Variants in PCDH15 observed in about 807,000 individuals in gnomAD.
PCDH15 encodes protocadherin-15.
PCDH15 carries 129 observed loss-of-function variants against 178.5 expected under a neutral mutation model. The observed-to-expected ratio is 0.72, with a 90% CI of 0.63 to 0.84. The LOEUF is 0.84. PCDH15 is among the 40% of genes least tolerant of loss of function. The pLI is 0.00. For missense variants in PCDH15, 2,230 were observed against 2,099.9 expected, an observed-to-expected ratio of 1.06 and a Z score of -1.21; for synonymous variants, 800 against 732.0, an observed-to-expected ratio of 1.09 and a Z score of -1.50.
chr10:54,804,241 A>G (rs1028552194), upstream of PCDH15, among the ~76,000 whole-genome samples: 3 of 152,038 alleles, frequency 2.0e-5, no homozygotes, highest in Non-Finnish European at 4.4e-5. Context: ...GGGTTTCACC[A>G]TGTTAGCCAG....
chr10:54,866,939 G>A (rs2131788226), intron 3 of PCDH15, among the ~76,000 whole-genome samples: 2 of 152,304 alleles, frequency 1.3e-5, no homozygotes, highest in East Asian at 1.9e-4. Context: ...CTTGTTTGAT[G>A]AGAAATGAAC....
intron 13 of PCDH15, among the ~76,000 whole-genome samples, chr10:54,160,039 A>T (rs914363693): frequency 6.6e-6 from 1 of 152,162 alleles, no homozygotes; most frequent in African/African-American, 2.4e-5. Flanking sequence ...TGCCAGAATC[A>T]CTACTCCTGT....
intron 2 of PCDH15, among the ~76,000 whole-genome samples, chr10:55,454,432 T>A (rs1839503671): frequency 6.6e-6 from 1 of 152,034 alleles, no homozygotes; most frequent in Non-Finnish European, 1.5e-5. Context: ...CGAATTGTAA[T>A]ATCCTATGTA....
chr10:53,961,758 A>G lies in PCDH15; in HGVS notation c.3003T>C (p.Ile1001=). The G allele has an allele frequency of 6.2e-7, 1 of 1,603,572 alleles. No individual in the cohort carries two copies. The highest frequency in any genetic ancestry group is 1.1e-5 in the South Asian group (1 of 88,556). Residue 1001 remains isoleucine (I), a synonymous_variant, in exon 22 of 38, where the codon ATT becomes ATC. Transcript: ENST00000644397. ...RVNLNEEPTT[I]FKLVVVAFDD... ...AATGAAAAGAGACACTGACCTTAAA[A>G]ATTGTTGTAGGTTCTTCATTAAGAT...
chr10:53,857,569 AT>A (rs11462600), intron 27 of PCDH15, among the ~76,000 whole-genome samples: 42 of 150,970 alleles, frequency 2.8e-4, no homozygotes, highest in African/African-American at 9.2e-4. Flanking sequence ...GAAGGGTGGC[AT>A]TTTTTTTTAA....
chr10:55,092,414 T>C (rs914127233), intron 2 of PCDH15, among the ~76,000 whole-genome samples: 3 of 151,876 alleles, frequency 2.0e-5, no homozygotes, highest in African/African-American at 7.2e-5. Context: ...GAAGAAAACA[T>C]GCTATTCTTT....
intron 1 of PCDH15, among the ~76,000 whole-genome samples, chr10:54,773,489 T>C (rs1949330497): frequency 1.3e-5 from 2 of 152,204 alleles, no homozygotes; most frequent in Non-Finnish European, 2.9e-5. Flanking sequence ...GGTACATCAT[T>C]AGATTCTATA....
chr10:55,571,597 C>A (rs1484169042), intron 2 of PCDH15, among the ~76,000 whole-genome samples: 1 of 152,050 alleles, frequency 6.6e-6, no homozygotes, highest in Non-Finnish European at 1.5e-5. Flanking sequence ...TAGAACAAAT[C>A]TCTTCAAATT....
At chr10:55,142,518 T>C (rs1838381720) in intron 2 of PCDH15, among the ~76,000 whole-genome samples, 1 of 151,252 alleles carries the variant, frequency 6.6e-6, no homozygotes, top group Non-Finnish European at 1.5e-5. Flanking sequence ...TTCACAGATA[T>C]TTTAAACAGC....
intron 2 of PCDH15, among the ~76,000 whole-genome samples, chr10:55,380,504 A>C (rs1588971039): frequency 6.6e-6 from 1 of 152,294 alleles, no homozygotes; most frequent in Middle Eastern, 3.4e-3. Context: ...GCAAAAAGCA[A>C]ATTTGTTTGC....
intron 2 of PCDH15, among the ~76,000 whole-genome samples, chr10:55,412,302 G>T (rs1370462129): frequency 6.6e-6 from 1 of 151,922 alleles, no homozygotes; most frequent in Non-Finnish European, 1.5e-5. Flanking sequence ...TGTTGACTTT[G>T]ATTTTTCCTT....
intron 6 of PCDH15, among the ~76,000 whole-genome samples, chr10:54,342,016 T>C (rs533786338): frequency 6.6e-6 from 1 of 152,326 alleles, no homozygotes; most frequent in Admixed American, 6.5e-5. Context: ...CTGGAACTTA[T>C]GTTTAAAAGG....
chr10:55,412,067 A>G (rs139869742), intron 2 of PCDH15, among the ~76,000 whole-genome samples: 2,698 of 152,076 alleles, frequency 0.018, 40 homozygotes, highest in Non-Finnish European at 0.027. Flanking sequence ...AAGAAGAAAG[A>G]GAATGATGAT....
chr10:54,917,561 T>C (rs16906687), intron 2 of PCDH15, among the ~76,000 whole-genome samples: 10,026 of 152,194 alleles, frequency 0.066, 1,073 homozygotes, highest in African/African-American at 0.22. Flanking sequence ...ACGTCTAACT[T>C]AAGCCCATAT....
chr10:54,017,988 C>T (rs948488428), intron 20 of PCDH15, among the ~76,000 whole-genome samples: 2 of 152,102 alleles, frequency 1.3e-5, no homozygotes, highest in African/African-American at 4.8e-5. Context: ...CACATCATTA[C>T]TTTGTTGTCT....
In PCDH15 at chr10:54,528,008, A is replaced by G. The variant is rs74610892; in HGVS notation, c.92-131T>C. 4.3e-6 allele frequency: 3 copies of G among 694,262 alleles called. No individual in the cohort carries two copies. The African/African-American group carries it at 5.4e-5, about 13-fold the overall frequency. 43.0% of individuals were successfully genotyped at this position (694,262 alleles called of 1,614,324 possible). A position where few individuals can be genotyped will look rare whatever the true frequency, so the allele number is the denominator to read the frequency against. ...AATCTAATTAATATGCATCACTACA[A>G]TTAATATTATTTAAAAACATTTTAT... On this transcript the variant is annotated intron_variant, in intron 2 of 37. Coordinates refer to ENST00000644397, the MANE Select transcript of PCDH15 (RefSeq NM_001384140.1).
intron 1 of PCDH15, among the ~76,000 whole-genome samples, chr10:55,170,836 C>T (rs1343912627): frequency 2.0e-5 from 3 of 151,854 alleles, no homozygotes; most frequent in Admixed American, 6.6e-5. Context: ...GAGCCAAGAT[C>T]GCACCATTGC....
At chr10:53,984,513 A>T (rs182876629) in intron 21 of PCDH15, among the ~76,000 whole-genome samples, 1 of 152,118 alleles carries the variant, frequency 6.6e-6, no homozygotes, top group East Asian at 1.9e-4. Context: ...TGGAACCATG[A>T]CAGTTTTCCC....
intron 3 of PCDH15, among the ~76,000 whole-genome samples, chr10:54,417,404 A>G (rs929104751): frequency 3.3e-5 from 5 of 150,152 alleles, no homozygotes; most frequent in Non-Finnish European, 4.4e-5. Flanking sequence ...TAGAAAACCA[A>G]GAGAAAAGAA....
Sources: gnomAD v4.1 joint callset for allele counts (sites outside exome capture counted in the v4.1 genomes callset) on GRCh38, gnomAD v4.1.1 for gene constraint, MANE v1.5 for transcripts, NCBI Gene and HGNC (gene_info 2026-07-23, HGNC 2026-07-21) for gene names.